The following DOCK4 variants were observed in gnomAD, a reference collection of about 807,000 sequenced individuals.
The protein encoded by DOCK4 is dedicator of cytokinesis 4, also known as dedicator of cytokinesis protein 4.
A neutral mutation model predicts 268.1 loss-of-function variants in DOCK4; 97 were observed. The ratio of observed to expected loss-of-function variants is 0.36; its 90% CI spans 0.31 to 0.43. DOCK4 has a LOEUF of 0.43. DOCK4 is among the 20% of genes least tolerant of loss of function. DOCK4 has a pLI of 1.00. For missense variants in DOCK4, 2,145 were observed against 2,455.7 expected (o/e 0.87, Z 2.67); for synonymous variants, 954 against 887.2 (o/e 1.08, Z -1.34).
At chr7:111,820,686 T>C (rs1277848897) in intron 27 of DOCK4, 1 of 152,240 alleles carries the variant, frequency 6.6e-6, no homozygotes, top group African/African-American at 2.4e-5. Flanking sequence ...AGAAATTGTA[T>C]ATGTAAGGAA....
chr7:111,838,716 A>C (rs1353992771), intron 25 of DOCK4, among the ~76,000 whole-genome samples: 2 of 152,168 alleles, frequency 1.3e-5, no homozygotes, highest in East Asian at 3.8e-4. Flanking sequence ...GGTAGCATGG[A>C]GGGGCAAAAG....
chr7:112,189,971 T>C (rs924814498), intron 1 of DOCK4, among the ~76,000 whole-genome samples: 6 of 152,186 alleles, frequency 3.9e-5, no homozygotes, highest in African/African-American at 1.4e-4. Context: ...TAATTTCATA[T>C]ACTTTTGACA....
intron 36 of DOCK4, among the ~76,000 whole-genome samples, chr7:111,775,209 G>A (rs1005587173): frequency 2.6e-5 from 4 of 152,216 alleles, no homozygotes; most frequent in African/African-American, 9.6e-5. Context: ...TACTAATTGA[G>A]ACAGTGGAAC....
intron 35 of DOCK4, among the ~76,000 whole-genome samples, chr7:111,781,688 C>A (rs1798791485): frequency 6.6e-6 from 1 of 152,052 alleles, no homozygotes; most frequent in Non-Finnish European, 1.5e-5. Flanking sequence ...CCATCATAGG[C>A]TCAGAGATGA....
chr7:112,161,536 C>T (rs1405592842), intron 1 of DOCK4, among the ~76,000 whole-genome samples: 1 of 152,108 alleles, frequency 6.6e-6, no homozygotes, highest in Non-Finnish European at 1.5e-5. Flanking sequence ...ATCATTGTGT[C>T]AACCTGTGAA....
chr7:111,870,977 A>G (rs1806377994), intron 20 of DOCK4, among the ~76,000 whole-genome samples: 1 of 152,264 alleles, frequency 6.6e-6, no homozygotes, highest in Admixed American at 6.5e-5. Flanking sequence ...GCAAAAAATC[A>G]CACTGATGAA....
rs775512437 is a variant in DOCK4, at chr7:111,728,392, G to A, written c.5810C>T (p.Pro1937Leu). 6 of 1,555,074 alleles carry A rather than the reference G, an allele frequency of 3.9e-6. No individual in the cohort carries two copies. The highest frequency in any genetic ancestry group is 1.4e-5 in the African/African-American group (1 of 73,836). ...CAGAGGCTTGGGGGGCAGCGCGGGC[G>A]GCTCCGACGTGACGGGGATGGAGAG... ...HSLSIPVTSE[P>L]PALPPKPLAA... The change falls in exon 53 of 53, where the codon CCG becomes CTG. Residue 1937 changes from proline to leucine, a missense_variant. Pro to Leu is a moderately conservative substitution (Grantham distance 98). Transcript: ENST00000428084.
chr7:111,767,241 T>G, intron 37 of DOCK4, 123 bp from the exon 38 acceptor site: 8 of 788,570 alleles, frequency 1.0e-5, no homozygotes, highest in Non-Finnish European at 1.6e-5. Context: ...TTTTTTTTTT[T>G]TTTTGAGATG....
chr7:112,201,487 T>C (rs987618424), intron 1 of DOCK4, among the ~76,000 whole-genome samples: 15 of 152,190 alleles, frequency 9.9e-5, no homozygotes, highest in African/African-American at 3.6e-4. Context: ...AGCTCACACA[T>C]GTAAAACATC....
intron 27 of DOCK4, 21 bp downstream of exon 27, chr7:111,822,341 T>A (rs1460210203): frequency 2.5e-6 from 4 of 1,591,948 alleles, no homozygotes; most frequent in Non-Finnish European, 3.4e-6. Flanking sequence ...GCTGCAATTA[T>A]CATCAACTTA....
chr7:112,044,138 A>T (rs1804633115), intron 1 of DOCK4, among the ~76,000 whole-genome samples: 1 of 152,184 alleles, frequency 6.6e-6, no homozygotes, highest in Non-Finnish European at 1.5e-5. Flanking sequence ...CCAAGGTCAT[A>T]CAGTAGGTAT....
intron 23 of DOCK4, 73 bp from the exon 24 acceptor site, chr7:111,847,199 C>T: frequency 6.4e-7 from 1 of 1,555,982 alleles, no homozygotes; most frequent in Non-Finnish European, 8.7e-7. Context: ...TCCTTATCTA[C>T]TTTTAATTCA....
intron 1 of DOCK4, among the ~76,000 whole-genome samples, chr7:112,197,970 G>A (rs917383126): frequency 3.6e-3 from 404 of 110,836 alleles, no homozygotes; most frequent in Admixed American, 5.3e-3. Flanking sequence ...GACCTGCCTA[G>A]AAAAAAAAAA....
chr7:112,129,968 C>T (rs541430371), intron 1 of DOCK4, among the ~76,000 whole-genome samples: 2 of 152,262 alleles, frequency 1.3e-5, no homozygotes, highest in African/African-American at 4.8e-5. Flanking sequence ...TTCAGTAAAG[C>T]CATTCCCCCA....
chr7:112,039,115 T>C (rs1586697620), intron 1 of DOCK4, among the ~76,000 whole-genome samples: 1 of 152,178 alleles, frequency 6.6e-6, no homozygotes, highest in Non-Finnish European at 1.5e-5. Flanking sequence ...ATATATTATA[T>C]TGTTTCCGGC....
chr7:111,819,417 T>G (rs1050326124), intron 27 of DOCK4: 1 of 152,194 alleles, frequency 6.6e-6, no homozygotes, highest in African/African-American at 2.4e-5. Context: ...TACCAGGAAC[T>G]TACAGGGGGT....
intron 37 of DOCK4, 115 bp from the exon 38 acceptor site, chr7:111,767,233 T>G (rs943629779): frequency 1.2e-6 from 1 of 803,948 alleles, no homozygotes; most frequent in South Asian, 1.8e-5. Flanking sequence ...TAATCTTTTT[T>G]TTTTTTTTTT....
intron 17 of DOCK4, among the ~76,000 whole-genome samples, chr7:111,872,928 G>T (rs1382755141): frequency 6.6e-6 from 1 of 152,148 alleles, no homozygotes; most frequent in African/African-American, 2.4e-5. Context: ...AATATTTGTT[G>T]ATTAATTTTT....
Position 112,169,030 on chromosome 7 carries a change from T to C in DOCK4, c.37+37072A>G, listed in dbSNP as rs576412678. Among the ~76,000 whole-genome samples the C allele has an allele frequency of 4.6e-5, 7 of 152,344 alleles. No homozygotes were observed. The South Asian group carries it at 1.2e-3, about 27-fold the overall frequency. The stretch of plus-strand genomic sequence containing the variant: ...CATGTGGAACTGTAATCCCCAATGT[T>C]GGAGGAGGGCCCTAGTGGGAGGTGA... On this transcript the variant is annotated intron_variant, in intron 1 of 52. Transcript: ENST00000428084.
Sources: allele counts gnomAD v4.1 joint callset (sites outside exome capture counted in the v4.1 genomes callset), GRCh38; gene constraint gnomAD v4.1.1; transcripts MANE v1.5; gene names NCBI Gene and HGNC (gene_info 2026-07-23, HGNC 2026-07-21).